The following INPP1 variants were observed in gnomAD, a reference collection of about 807,000 sequenced individuals.
INPP1 encodes inositol polyphosphate 1-phosphatase.
In INPP1, 18 loss-of-function variants were observed where a neutral mutation model predicts 23.0. The ratio of observed to expected loss-of-function variants is 0.78; its 90% CI spans 0.54 to 1.16. The LOEUF (loss-of-function observed/expected upper bound fraction) is 1.16. INPP1 is among the 50% of genes most tolerant of loss of function. The probability of loss-of-function intolerance (pLI) is 0.00; values close to 1 mark genes in which losing one functional copy is unlikely to be tolerated. For missense variants in INPP1, 448 were observed against 482.1 expected (o/e 0.93, Z 0.66); for synonymous variants, 164 against 176.3 (o/e 0.93, Z 0.55).
In INPP1 at chr2:190,371,265, G is replaced by T; in HGVS notation, c.1063G>T (p.Val355Leu). ...TGATTTGCCACAGTTGGTGTACCAC[G>T]TGGAAAATGAGGGTGCTGCTGGGGT... is the stretch of plus-strand genomic sequence containing the variant. Reference protein sequence around the residue: ...GLDLPQLVYHVENEGAAGVDR... With the variant: ...GLDLPQLVYHLENEGAAGVDR... Residue 355 changes from valine to leucine, a missense_variant, in exon 7 of 7, where the codon GTG becomes TTG. By Grantham distance (32) the Val-to-Leu change is conservative. Coordinates refer to ENST00000392329, the MANE Select transcript of INPP1 (RefSeq NM_001128928.2). This position sits in a 1 kb window ranked among gnomAD's most constrained non-coding sequence, Gnocchi z 5.3. 1 of 1,612,470 alleles carries T rather than the reference G, an allele frequency of 6.2e-7. No individual in the cohort carries two copies. Among genetic ancestry groups the T allele is most frequent in the South Asian group, 1.1e-5 (1 of 90,852 alleles).
chr2:190,350,271 A>G (rs1689301014), intron 2 of INPP1, among the ~76,000 whole-genome samples: 1 of 152,264 alleles, frequency 6.6e-6, no homozygotes, highest in African/African-American at 2.4e-5. Flanking sequence ...TAGATCAACT[A>G]TTTTTTTCCG....
chr2:190,360,985 G>A lies in INPP1; in HGVS notation c.204+679G>A, dbSNP rs190580668. On this transcript the variant is annotated intron_variant, in intron 3 of 6. Transcript: ENST00000392329. ...ACGACTCTTTCTGGAGCTGACTAGA[G>A]AAACCGTATTAATAAGTAGAAATAA... 4.1e-3 allele frequency among the ~76,000 whole-genome samples: 627 copies of A among 152,246 alleles called. 3 individuals are homozygous for A. Among genetic ancestry groups the A allele is most frequent in the African/African-American group, 0.014 (585 of 41,534 alleles).
rs1290039992 is a variant in INPP1 at position 190,354,200 on chromosome 2, A to G, written c.-65+5169A>G. On this transcript the variant is annotated intron_variant, in intron 2 of 6. Coordinates refer to ENST00000392329, the MANE Select transcript of INPP1 (RefSeq NM_001128928.2). The surrounding 1 kb of genome is among the most constrained non-coding windows in gnomAD (Gnocchi z 4.8). ...GTTAAAGCGAATAGCTTTTAGTGGG[A>G]ACGACTGCCTCACAGATGTTTCTTA... Among the ~76,000 whole-genome samples the G allele has an allele frequency of 6.6e-6, 1 of 152,220 alleles. No homozygotes were observed. Among genetic ancestry groups the G allele is most frequent in the African/African-American group, 2.4e-5 (1 of 41,452 alleles).
rs1218761753 is a variant in INPP1, at chr2:190,354,963, G to A, written c.-64-5076G>A. 9.1e-6 allele frequency among the ~76,000 whole-genome samples: 1 copy of A among 109,310 alleles called. No individual in the cohort carries two copies. The highest frequency in any genetic ancestry group is 1.7e-5 in the Non-Finnish European group (1 of 57,410). 71.7% of individuals were successfully genotyped at this position (109,310 alleles called of 152,430 possible). ...GTGTGTGTGCATTTTTTTTTTTTTT[G>A]CTATATAATGTACCTTATAATACTA... On this transcript the variant is annotated intron_variant, in intron 2 of 6. Transcript: ENST00000392329. This position sits in a 1 kb window ranked among gnomAD's most constrained non-coding sequence, Gnocchi z 4.8.
In INPP1 at chr2:190,371,066, TG is replaced by T. The variant is rs1379411638; in HGVS notation, c.868del (p.Ala290LeufsTer35). On this transcript the variant is annotated frameshift_variant, in exon 7 of 7. Transcript: ENST00000392329. LOFTEE classifies it low-confidence loss of function (END_TRUNC). The surrounding 1 kb of genome is among the most constrained non-coding windows in gnomAD (Gnocchi z 5.3). ...VCGDRIFGAA[G>X]AGYKSLCVVQ... ...GTGGAGATCGCATATTTGGGGCAGC[TG>T]GGGCTGGTTATAAGAGCCTATGTGT... 6.2e-7 allele frequency: 1 copy of T among 1,614,032 alleles called. No individual in the cohort carries two copies. Among genetic ancestry groups the T allele is most frequent in the African/African-American group, 1.3e-5 (1 of 74,898 alleles).
At chr2:190,366,253 CTCTG>C (rs139927405) in intron 4 of INPP1, among the ~76,000 whole-genome samples, 3,075 of 148,630 alleles carry the variant, frequency 0.021, 142 homozygotes, top group African/African-American at 0.071. Context: ...CACTCTTTCC[CTCTG>C]TCTCTTTCAC....
chr2:190,351,511 T>TG (rs1689323537), intron 2 of INPP1, among the ~76,000 whole-genome samples: 1 of 152,182 alleles, frequency 6.6e-6, no homozygotes, highest in Non-Finnish European at 1.5e-5. Context: ...CTTCCAACGT[T>TG]GCTATAGGTT....
intron 4 of INPP1, among the ~76,000 whole-genome samples, chr2:190,365,858 GCTCTCTGTCTCTCTTGCT>G (rs1299738775): frequency 1.4e-4 from 3 of 20,980 alleles, no homozygotes; most frequent in Non-Finnish European, 2.4e-4. Flanking sequence ...TGTCTCTCTC[GCTCTCTGTCTCTCTTGCT>G]CTGTCTCTCT....
intron 1 of INPP1, among the ~76,000 whole-genome samples, chr2:190,344,486 T>A (rs1248542813): frequency 1.3e-5 from 2 of 152,110 alleles, no homozygotes; most frequent in African/African-American, 4.8e-5. Context: ...ACTTGATGAG[T>A]GTGAAATAAA....
intron 2 of INPP1, among the ~76,000 whole-genome samples, chr2:190,350,764 C>A (rs1689309853): frequency 6.6e-6 from 1 of 152,136 alleles, no homozygotes; most frequent in South Asian, 2.1e-4. Flanking sequence ...TTCACATATA[C>A]CATATTTAAT....
chr2:190,352,922 A>G lies in INPP1; in HGVS notation c.-65+3891A>G, dbSNP rs1035167964. On this transcript the variant is annotated intron_variant, in intron 2 of 6. Coordinates refer to ENST00000392329, the MANE Select transcript of INPP1 (RefSeq NM_001128928.2). This position sits in a 1 kb window ranked among gnomAD's most constrained non-coding sequence, Gnocchi z 4.7. ...CACCACGCAATAGCTTCAAATTGCC[A>G]TTCCTCAGAAGATGAGAGCCAGAAT... 1.1e-4 allele frequency among the ~76,000 whole-genome samples: 17 copies of G among 152,202 alleles called. No individual in the cohort carries two copies. The highest frequency in any genetic ancestry group is 3.9e-4 in the African/African-American group (16 of 41,458).
chr2:190,347,201 T>C (rs1006288974), intron 1 of INPP1, among the ~76,000 whole-genome samples: 8 of 151,672 alleles, frequency 5.3e-5, no homozygotes, highest in East Asian at 1.9e-4. Context: ...TTAGTAGAGA[T>C]GGGGTTTCAC....
intron 1 of INPP1, among the ~76,000 whole-genome samples, chr2:190,348,017 A>G: frequency 6.6e-6 from 1 of 152,212 alleles, no homozygotes. Context: ...GCGTGCCTGT[A>G]ATCCCAGCTA....
Position 190,352,209 on chromosome 2 carries a change from G to A in INPP1, c.-65+3178G>A, listed in dbSNP as rs1193548274. ...AAGGGCGTGTCAACCAGAGGGAGCA[G>A]CATGTGCAAATTTACAATCTTCCCA... On this transcript the variant is annotated intron_variant, in intron 2 of 6. Coordinates refer to ENST00000392329, the MANE Select transcript of INPP1 (RefSeq NM_001128928.2). This position sits in a 1 kb window ranked among gnomAD's most constrained non-coding sequence, Gnocchi z 4.7. Among the ~76,000 whole-genome samples, 1 of 152,194 alleles carries A rather than the reference G, an allele frequency of 6.6e-6. No homozygotes were observed. Among genetic ancestry groups the A allele is most frequent in the Non-Finnish European group, 1.5e-5 (1 of 68,040 alleles).
rs1473522028 is a variant in INPP1, at chr2:190,362,749, A to G, written c.265+62A>G. 8.2e-6 allele frequency: 9 copies of G among 1,091,942 alleles called. No individual in the cohort carries two copies. In the African/African-American group the frequency reaches 1.1e-4, roughly 14 times the overall value. 67.6% of individuals were successfully genotyped at this position (1,091,942 alleles called of 1,614,324 possible). A position where few individuals can be genotyped will look rare whatever the true frequency, so the allele number is the denominator to read the frequency against. On this transcript the variant is annotated intron_variant, in intron 4 of 6. Coordinates refer to ENST00000392329, the MANE Select transcript of INPP1 (RefSeq NM_001128928.2). ...ATTATCATATGGTATTCTAGTCTCT[A>G]GTTTATACCATGAACTAAATGTTTG...
At chr2:190,347,973 A>C (rs1689252483) in intron 1 of INPP1, among the ~76,000 whole-genome samples, 1 of 152,212 alleles carries the variant, frequency 6.6e-6, no homozygotes, top group African/African-American at 2.4e-5. Context: ...CCTGGTCTCT[A>C]CTAAAAATAC....
At chr2:190,358,325 C>G (rs140133024) in intron 2 of INPP1, among the ~76,000 whole-genome samples, 6,941 of 152,196 alleles carry the variant, frequency 0.046, 242 homozygotes, top group African/African-American at 0.057. Context: ...GATCCATGCG[C>G]CTTGGCCTCC....
At chr2:190,347,477 T>G (rs936321555) in intron 1 of INPP1, among the ~76,000 whole-genome samples, 1 of 152,150 alleles carries the variant, frequency 6.6e-6, no homozygotes, top group Non-Finnish European at 1.5e-5. Flanking sequence ...ATGGAAAATG[T>G]CAGAATTTAT....
rs1000245630 is a variant in INPP1 at position 190,355,635 on chromosome 2, T to C, written c.-64-4404T>C. Reference sequence around the variant, plus strand: ...AACTCTCAGAACATCCATTGAGAAATACTAATCAAAAGGAATTTCTTCTAT... The same window carrying C: ...AACTCTCAGAACATCCATTGAGAAACACTAATCAAAAGGAATTTCTTCTAT... On this transcript the variant is annotated intron_variant, in intron 2 of 6. Coordinates refer to ENST00000392329, the MANE Select transcript of INPP1 (RefSeq NM_001128928.2). This position sits in a 1 kb window ranked among gnomAD's most constrained non-coding sequence, Gnocchi z 5.1. Among the ~76,000 whole-genome samples, 5 of 152,198 alleles carry C rather than the reference T, an allele frequency of 3.3e-5. No homozygotes were observed. The highest frequency in any genetic ancestry group is 1.2e-4 in the African/African-American group (5 of 41,456).
Sources: allele counts gnomAD v4.1 joint callset (sites outside exome capture counted in the v4.1 genomes callset), GRCh38; gene constraint gnomAD v4.1.1; non-coding constraint Gnocchi (gnomAD v3.1); transcripts MANE v1.5; gene names NCBI Gene and HGNC (gene_info 2026-07-23, HGNC 2026-07-21).